HSD17B11: variants seen among roughly 807,000 people sequenced by gnomAD.
The protein encoded by HSD17B11 is hydroxysteroid 17-beta dehydrogenase 11.
In HSD17B11, 22 loss-of-function variants were observed where a neutral mutation model predicts 27.8. The observed-to-expected ratio is 0.79, with a 90% CI of 0.56 to 1.13. The LOEUF (loss-of-function observed/expected upper bound fraction) is 1.13. Ranked by LOEUF, HSD17B11 falls within the 50% of genes most tolerant of loss-of-function variation. The pLI is 0.00. For missense variants in HSD17B11, 314 were observed against 351.1 expected (o/e 0.89, Z 0.84); for synonymous variants, 117 against 132.8 (o/e 0.88, Z 0.82).
chr4:87,382,186 G>A, intron 2 of HSD17B11, 69 bp downstream of exon 2: 2 of 1,121,660 alleles, frequency 1.8e-6, no homozygotes, highest in Middle Eastern at 2.0e-4. Context: ...ATCATGTACA[G>A]ACTGGGTCAT....
intron 6 of HSD17B11, among the ~76,000 whole-genome samples, chr4:87,337,969 G>A (rs549661125): frequency 5.9e-5 from 9 of 152,330 alleles, no homozygotes; most frequent in Non-Finnish European, 1.3e-4. Context: ...TGTAATCCCA[G>A]CACTTTGGGA....
chr4:87,355,525 A>G (rs555339676), intron 5 of HSD17B11, among the ~76,000 whole-genome samples: 68 of 140,230 alleles, frequency 4.8e-4, no homozygotes, highest in African/African-American at 1.4e-3. Context: ...ACAACTGGGG[A>G]AAAAAAAAAC....
rs1735061974 is a variant in HSD17B11 at position 87,336,516 on chromosome 4, T to C, written c.*760A>G. 6.6e-6 allele frequency: 1 copy of C among 152,196 alleles called. No homozygotes were observed. The highest frequency in any genetic ancestry group is 2.1e-4 in the South Asian group (1 of 4,834). The allele number at this position is 152,196 out of a possible 1,614,324, so 9.4% of individuals were successfully genotyped here. On this transcript the variant is annotated 3_prime_UTR_variant, in exon 7 of 7. Coordinates refer to ENST00000358290, the MANE Select transcript of HSD17B11 (RefSeq NM_016245.5). ...TCAATGAGCCTCACATCCAAGAAATTTCCAGTTTTTAAAAAAAGATTGCAC... is the reference window on the plus strand; with the variant it reads ...TCAATGAGCCTCACATCCAAGAAATCTCCAGTTTTTAAAAAAAGATTGCAC...
intron 4 of HSD17B11, chr4:87,365,928 C>G (rs1207471421): frequency 6.6e-6 from 1 of 152,022 alleles, no homozygotes; most frequent in Non-Finnish European, 1.5e-5. Flanking sequence ...GTGATCTTGA[C>G]TCACCGCAAC....
intron 4 of HSD17B11, among the ~76,000 whole-genome samples, chr4:87,369,437 T>C (rs1735668331): frequency 6.6e-6 from 1 of 151,942 alleles, no homozygotes; most frequent in Non-Finnish European, 1.5e-5. Context: ...AAATTCTTTT[T>C]TTTTTTTTCT....
At chr4:87,382,701 T>C (rs995195595) in intron 1 of HSD17B11, among the ~76,000 whole-genome samples, 75 of 152,242 alleles carry the variant, frequency 4.9e-4, no homozygotes, top group African/African-American at 1.8e-3. Flanking sequence ...AACATTAAAC[T>C]TTTTTCCATG....
At chr4:87,367,630 AATATT>A (rs368152648) in intron 4 of HSD17B11, among the ~76,000 whole-genome samples, 1 of 152,230 alleles carries the variant, frequency 6.6e-6, no homozygotes, top group African/African-American at 2.4e-5. Flanking sequence ...CTGGAGAGAG[AATATT>A]ATATTTCAAG....
intron 4 of HSD17B11, among the ~76,000 whole-genome samples, chr4:87,368,660 T>C (rs527363811): frequency 1.3e-5 from 2 of 152,242 alleles, no homozygotes; most frequent in South Asian, 2.1e-4. Context: ...CAGGATGAGA[T>C]AGGAGGTCAG....
At chr4:87,356,373 C>T (rs1735387581) in intron 5 of HSD17B11, among the ~76,000 whole-genome samples, 1 of 152,216 alleles carries the variant, frequency 6.6e-6, no homozygotes, top group Non-Finnish European at 1.5e-5. Flanking sequence ...ACCCTAAAAT[C>T]ATCACTAGGA....
intron 1 of HSD17B11, among the ~76,000 whole-genome samples, chr4:87,389,413 G>A (rs1410063404): frequency 6.6e-6 from 1 of 152,038 alleles, no homozygotes; most frequent in African/African-American, 2.4e-5. Flanking sequence ...TGGTAGAAAT[G>A]GGGTTTCACC....
intron 5 of HSD17B11, among the ~76,000 whole-genome samples, chr4:87,342,108 C>T (rs932609358): frequency 2.8e-4 from 43 of 151,846 alleles, no homozygotes; most frequent in African/African-American, 5.3e-4. Flanking sequence ...AGACACCAGG[C>T]GTGGTGCTCA....
intron 4 of HSD17B11, among the ~76,000 whole-genome samples, chr4:87,370,490 A>T (rs1186391138): frequency 6.6e-6 from 1 of 151,926 alleles, no homozygotes; most frequent in Non-Finnish European, 1.5e-5. Context: ...ATCTCAGCTC[A>T]CTGCAACCTC....
chr4:87,391,188 T>C lies in HSD17B11; in HGVS notation c.-118A>G. 1 of 704,200 alleles carries C rather than the reference T, an allele frequency of 1.4e-6. No homozygotes were observed. The highest frequency in any genetic ancestry group is 1.9e-5 in the South Asian group (1 of 52,250). The allele number at this position is 704,200 out of a possible 1,614,324, so 43.6% of individuals were successfully genotyped here. ...AGTAGGGGCGAGAGCAAGGAGGAAC[T>C]CCCGTATCAAAGAAAAACAACTCCG... On this transcript the variant is annotated 5_prime_UTR_variant, in exon 1 of 7. Coordinates refer to ENST00000358290, the MANE Select transcript of HSD17B11 (RefSeq NM_016245.5).
chr4:87,341,661 G>A (rs879115138), intron 5 of HSD17B11, among the ~76,000 whole-genome samples: 2 of 152,012 alleles, frequency 1.3e-5, no homozygotes, highest in Non-Finnish European at 2.9e-5. Flanking sequence ...AGGACTTCGA[G>A]ATCAGCCTAG....
At chr4:87,390,707 T>C (rs901453692) in intron 1 of HSD17B11, among the ~76,000 whole-genome samples, 154 bp downstream of exon 1, 4 of 152,182 alleles carry the variant, frequency 2.6e-5, no homozygotes, top group African/African-American at 4.8e-5. Flanking sequence ...TCATACAACA[T>C]ATTAATTCAT....
chr4:87,360,158 T>C (rs1560762408), intron 4 of HSD17B11, among the ~76,000 whole-genome samples: 1 of 152,086 alleles, frequency 6.6e-6, no homozygotes, highest in East Asian at 1.9e-4. Context: ...AATGTACAGA[T>C]ATTTCACCTC....
chr4:87,359,527 A>G (rs756944505), intron 4 of HSD17B11, among the ~76,000 whole-genome samples: 24 of 152,284 alleles, frequency 1.6e-4, no homozygotes, highest in Non-Finnish European at 2.8e-4. Flanking sequence ...ACACTTGAAT[A>G]ATTATTTTAC....
chr4:87,362,689 A>T (rs1213143468), intron 4 of HSD17B11, among the ~76,000 whole-genome samples: 1 of 151,770 alleles, frequency 6.6e-6, no homozygotes, highest in Non-Finnish European at 1.5e-5. Context: ...GCTGATGGCT[A>T]TGGGTGACAG....
At chr4:87,338,622 A>G (rs1023999894) in intron 6 of HSD17B11, among the ~76,000 whole-genome samples, 5 of 152,172 alleles carry the variant, frequency 3.3e-5, no homozygotes, top group African/African-American at 1.2e-4. Flanking sequence ...TGCAGCCTCA[A>G]CTTTCTGAGC....
Sources: gnomAD v4.1 joint callset for allele counts (sites outside exome capture counted in the v4.1 genomes callset) on GRCh38, gnomAD v4.1.1 for gene constraint, MANE v1.5 for transcripts, NCBI Gene and HGNC (gene_info 2026-07-23, HGNC 2026-07-21) for gene names.